The following KSR2 variants were observed in gnomAD, a reference collection of about 807,000 sequenced individuals.
The protein encoded by KSR2 is kinase suppressor of ras 2.
In KSR2, 25 loss-of-function variants were observed where a neutral mutation model predicts 107.8. The ratio of observed to expected loss-of-function variants is 0.23; its 90% CI spans 0.17 to 0.32. KSR2 has a LOEUF of 0.32. KSR2 is among the 10% of genes least tolerant of loss of function. The probability of loss-of-function intolerance (pLI) is 1.00; values close to 1 mark genes in which losing one functional copy is unlikely to be tolerated. For missense variants in KSR2, 887 were observed against 1,268.9 expected (o/e 0.70, Z 4.57); for synonymous variants, 480 against 507.0 (o/e 0.95, Z 0.71).
chr12:117,964,308 A>C (rs185542412), intron 1 of KSR2, among the ~76,000 whole-genome samples: 7 of 152,346 alleles, frequency 4.6e-5, no homozygotes, highest in African/African-American at 1.7e-4. Flanking sequence ...TAGGTAGCAT[A>C]TTAAAGGCTC....
At chr12:117,922,807 G>A (rs1895382004) in intron 1 of KSR2, among the ~76,000 whole-genome samples, 1 of 152,194 alleles carries the variant, frequency 6.6e-6, no homozygotes, top group African/African-American at 2.4e-5. Flanking sequence ...GGAGAATGGA[G>A]AATAAAGAAA....
At position 117,968,299 on chromosome 12, in the gene KSR2, GA is replaced by G; in HGVS notation, c.-45del. 2.7e-5 allele frequency: 9 copies of G among 333,962 alleles called. No individual in the cohort carries two copies. The highest frequency in any genetic ancestry group is 2.4e-4 in the East Asian group (2 of 8,344). The allele number at this position is 333,962 out of a possible 1,614,324, so 20.7% of individuals were successfully genotyped here. On this transcript the variant is annotated 5_prime_UTR_variant, in exon 1 of 20. Coordinates refer to ENST00000339824, the MANE Select transcript of KSR2 (RefSeq NM_173598.6). ...CTTCCCCTCCTCCTCCTCCCAGAGA[GA>G]AAAAAGAGGGGGGGGAGTAGAGGTA...
At chr12:117,717,666 GGTGTGTGT>G (rs55910019) in intron 4 of KSR2, among the ~76,000 whole-genome samples, 10,659 of 144,290 alleles carry the variant, frequency 0.074, 444 homozygotes, top group Non-Finnish European at 0.081. Flanking sequence ...GGGGCAGACA[GGTGTGTGT>G]GTGTGTGTGT....
At position 117,583,859 on chromosome 12, in the gene KSR2, G is replaced by A. The variant is rs189500101; in HGVS notation, c.1172-1500C>T. Among the ~76,000 whole-genome samples the A allele has an allele frequency of 3.3e-4, 50 of 152,324 alleles. 2 individuals are homozygous for A. The highest frequency in any genetic ancestry group is 2.9e-3 in the Admixed American group (44 of 15,302). ...CCGTTCTCATTTCTCAGGCCAGAGG[G>A]ATGGAGCCAGCTCCCTGTTTTTGGA... On this transcript the variant is annotated intron_variant, in intron 5 of 19. Coordinates refer to ENST00000339824, the MANE Select transcript of KSR2 (RefSeq NM_173598.6).
chr12:117,812,669 A>G (rs551492546), intron 3 of KSR2, among the ~76,000 whole-genome samples: 9 of 152,264 alleles, frequency 5.9e-5, no homozygotes, highest in Non-Finnish European at 8.8e-5. Context: ...AGAAAAATGG[A>G]AAGATATCCC....
intron 3 of KSR2, among the ~76,000 whole-genome samples, chr12:117,830,617 C>T (rs1009443288): frequency 1.3e-5 from 2 of 152,168 alleles, no homozygotes; most frequent in Non-Finnish European, 2.9e-5. Flanking sequence ...CCTAAGAAAG[C>T]CTGCGTCATT....
At chr12:117,891,034 G>C (rs1392460353) in intron 1 of KSR2, 3 of 152,266 alleles carry the variant, frequency 2.0e-5, no homozygotes, top group Non-Finnish European at 4.4e-5. Flanking sequence ...GCAGAATAAA[G>C]GCAGTAGGGG....
chr12:117,963,599 C>A (rs960423141), intron 1 of KSR2, among the ~76,000 whole-genome samples: 1 of 144,218 alleles, frequency 6.9e-6, no homozygotes, highest in Non-Finnish European at 1.5e-5. Context: ...TGAGACCCTG[C>A]CTCAAAAAAA....
At chr12:117,952,443 G>T (rs1896392257) in intron 1 of KSR2, among the ~76,000 whole-genome samples, 1 of 152,104 alleles carries the variant, frequency 6.6e-6, no homozygotes, top group South Asian at 2.1e-4. Context: ...GAGGCCAAGA[G>T]TTCAAGACCA....
chr12:117,787,634 A>G (rs1023206555), intron 3 of KSR2, among the ~76,000 whole-genome samples: 7 of 151,320 alleles, frequency 4.6e-5, no homozygotes, highest in African/African-American at 1.7e-4. Context: ...CTCCATCTCA[A>G]AAAAAAAAGA....
intron 3 of KSR2, among the ~76,000 whole-genome samples, chr12:117,791,742 G>A (rs553643322): frequency 6.6e-6 from 1 of 152,242 alleles, no homozygotes; most frequent in African/African-American, 2.4e-5. Context: ...CACACAGGAG[G>A]CTGAGGAACG....
intron 5 of KSR2, among the ~76,000 whole-genome samples, chr12:117,632,451 C>T (rs180745181): frequency 1.3e-5 from 2 of 152,154 alleles, no homozygotes; most frequent in Admixed American, 1.3e-4. Context: ...TGGTCTCAAA[C>T]TCCTGACTTC....
intron 3 of KSR2, among the ~76,000 whole-genome samples, chr12:117,847,935 G>A (rs990063831): frequency 6.6e-6 from 1 of 152,172 alleles, no homozygotes; most frequent in African/African-American, 2.4e-5. Context: ...CAGATGCAGA[G>A]AAAGTGCTTG....
At chr12:117,772,013 C>G (rs965848334) in intron 3 of KSR2, among the ~76,000 whole-genome samples, 2 of 147,344 alleles carry the variant, frequency 1.4e-5, no homozygotes, top group African/African-American at 2.5e-5. Context: ...CACAAACACA[C>G]ACTCACACAT....
At chr12:117,674,305 C>A in intron 4 of KSR2, 1 of 509,260 alleles carries the variant, frequency 2.0e-6, no homozygotes, top group Admixed American at 2.0e-5. Context: ...TGCCTCCTCG[C>A]TGGAATCGCA....
At chr12:117,623,199 CACATTTAT>C (rs1233801932) in intron 5 of KSR2, among the ~76,000 whole-genome samples, 3 of 152,188 alleles carry the variant, frequency 2.0e-5, no homozygotes, top group African/African-American at 7.2e-5. Context: ...AACAATATCT[CACATTTAT>C]ACATTTACTT....
intron 1 of KSR2, among the ~76,000 whole-genome samples, chr12:117,947,170 G>GAAAA (rs1555260390): frequency 2.9e-5 from 1 of 34,330 alleles, no homozygotes; most frequent in Non-Finnish European, 5.4e-5. Context: ...TCTGTCAAAA[G>GAAAA]AAAGAAAGAA....
At chr12:117,727,281 G>A (rs369724687) in intron 4 of KSR2, among the ~76,000 whole-genome samples, 19 of 152,046 alleles carry the variant, frequency 1.2e-4, no homozygotes, top group Middle Eastern at 3.4e-3. Flanking sequence ...AGGCTGAGGC[G>A]GGACGATCAC....
chr12:117,839,531 A>T (rs904535192), intron 3 of KSR2, among the ~76,000 whole-genome samples: 3 of 152,200 alleles, frequency 2.0e-5, no homozygotes, highest in African/African-American at 7.2e-5. Context: ...GACACTCAGT[A>T]TGTTTTTAAT....
Sources: allele counts gnomAD v4.1 joint callset (sites outside exome capture counted in the v4.1 genomes callset), GRCh38; gene constraint gnomAD v4.1.1; transcripts MANE v1.5; gene names NCBI Gene and HGNC (gene_info 2026-07-23, HGNC 2026-07-21).